The following RYR2 variants were observed in gnomAD, a reference collection of about 807,000 sequenced individuals.
The protein encoded by RYR2 is ryanodine receptor 2, also known as cardiac muscle ryanodine receptor-calcium release channel.
Under a neutral mutation model 601.1 loss-of-function variants are expected in RYR2, and 227 were observed. The observed-to-expected ratio is 0.38, with a 90% confidence interval of 0.34 to 0.42. The LOEUF (loss-of-function observed/expected upper bound fraction) is 0.42. Ranked by LOEUF, RYR2 falls within the 10% of genes least tolerant of loss-of-function variation. The pLI is 1.00. For missense variants in RYR2, 4,646 were observed against 6,156.5 expected (o/e 0.75, Z 8.21); for synonymous variants, 2,223 against 2,175.1 (o/e 1.02, Z -0.61).
At chr1:237,132,535 C>G (rs577155499) in intron 1 of RYR2, among the ~76,000 whole-genome samples, 5 of 152,174 alleles carry the variant, frequency 3.3e-5, no homozygotes, top group Non-Finnish European at 5.9e-5. Context: ...AGACTGGACA[C>G]TTCAGAGGCA....
At position 237,674,119 on chromosome 1, in the gene RYR2, G is replaced by A. The variant is rs1488585042; in HGVS notation, c.8614G>A (p.Val2872Met). 2 of 1,611,784 alleles carry A rather than the reference G, an allele frequency of 1.2e-6. No individual in the cohort carries two copies. The change falls in exon 59 of 105, where the codon GTG becomes ATG. Residue 2872 changes from valine to methionine, a missense_variant. By Grantham distance (21) the Val-to-Met change is conservative. Coordinates refer to ENST00000366574, the MANE Select transcript of RYR2 (RefSeq NM_001035.3). Reference sequence around the variant, plus strand: ...AGGAGGAGGAAACCATCCTCTGCTGGTGCCCTATGATACACTGACAGCCAA... The same window carrying A: ...AGGAGGAGGAAACCATCCTCTGCTGATGCCCTATGATACACTGACAGCCAA... The part of the protein sequence containing the change: ...SKGGGNHPLL[V>M]PYDTLTAKEK...
chr1:237,495,184 C>T (rs2010045), intron 19 of RYR2, among the ~76,000 whole-genome samples: 87,923 of 152,038 alleles, frequency 0.58, 25,991 homozygotes, highest in African/African-American at 0.71. Flanking sequence ...TCAATCCTCA[C>T]AAGATGCTTA....
chr1:237,279,942 A>G (rs12730427), intron 2 of RYR2, among the ~76,000 whole-genome samples: 1 of 152,214 alleles, frequency 6.6e-6, no homozygotes, highest in Admixed American at 6.5e-5. Context: ...TATGTATGAA[A>G]CAGTATTGTT....
At position 237,065,269 on chromosome 1, in the gene RYR2, C is replaced by CTTTTTTTTTTTTT. The variant is rs766039441; in HGVS notation, c.48+22715_48+22727dup. 1.9e-4 allele frequency among the ~76,000 whole-genome samples: 15 copies of CTTTTTTTTTTTTT among 77,496 alleles called. 2 individuals are homozygous for CTTTTTTTTTTTTT. The highest frequency in any genetic ancestry group is 7.8e-4 in the African/African-American group (15 of 19,180). 50.8% of individuals were successfully genotyped at this position (77,496 alleles called of 152,430 possible). ...CCTCAAAGAGCTCTTGTGTGCTATCCTTTTTTTTTTTTTTTTTTTTTTTTT... is the reference window on the plus strand; with the variant it reads ...CCTCAAAGAGCTCTTGTGTGCTATCCTTTTTTTTTTTTTTTTTTTTTTTTTTTTTTTTTTTTTT... On this transcript the variant is annotated intron_variant, in intron 1 of 104. Transcript: ENST00000366574.
At chr1:237,412,882 C>T (rs1001949473) in intron 10 of RYR2, among the ~76,000 whole-genome samples, 1 of 152,038 alleles carries the variant, frequency 6.6e-6, no homozygotes, top group African/African-American at 2.4e-5. Flanking sequence ...TTGGTAATAC[C>T]ATTTGGCAAA....
chr1:237,391,011 G>A (rs1702329016), intron 10 of RYR2, among the ~76,000 whole-genome samples: 1 of 152,160 alleles, frequency 6.6e-6, no homozygotes. Context: ...CTGAAGGGAT[G>A]TTGCTTAAGA....
At chr1:237,111,180 A>G (rs1669424309) in intron 1 of RYR2, among the ~76,000 whole-genome samples, 1 of 152,256 alleles carries the variant, frequency 6.6e-6, no homozygotes, top group Non-Finnish European at 1.5e-5. Flanking sequence ...TTTTTGGTTC[A>G]GAGGACATTC....
intron 1 of RYR2, among the ~76,000 whole-genome samples, chr1:237,081,620 C>T (rs1399080545): frequency 2.6e-5 from 4 of 151,872 alleles, no homozygotes; most frequent in South Asian, 2.1e-4. Flanking sequence ...CACACACATA[C>T]GCACACACTC....
intron 1 of RYR2, among the ~76,000 whole-genome samples, chr1:237,087,182 T>A (rs1445511453): frequency 6.6e-6 from 1 of 152,216 alleles, no homozygotes; most frequent in Non-Finnish European, 1.5e-5. Context: ...CCTCATTAGT[T>A]GCTGGTGCTT....
chr1:237,689,590 G>A (rs1686759070), intron 63 of RYR2, among the ~76,000 whole-genome samples: 1 of 152,110 alleles, frequency 6.6e-6, no homozygotes, highest in African/African-American at 2.4e-5. Flanking sequence ...TGTGGTCCTA[G>A]TATTTCAATT....
intron 62 of RYR2, among the ~76,000 whole-genome samples, chr1:237,680,935 C>A (rs1685823796): frequency 6.6e-6 from 1 of 152,050 alleles, no homozygotes; most frequent in Non-Finnish European, 1.5e-5. Context: ...ATATTTTTGC[C>A]AGCATTTATT....
In RYR2 at chr1:237,595,674, G is replaced by A; in HGVS notation, c.4596+17G>A. The A allele has an allele frequency of 6.3e-7, 1 of 1,592,898 alleles. No homozygotes were observed. The highest frequency in any genetic ancestry group is 8.5e-7 in the Non-Finnish European group (1 of 1,172,194). ...TACTATCAGGTACGCGGTCAGTGAT[G>A]ATATCAGTCTTCTAGGGAGGAAGAC... On this transcript the variant is annotated intron_variant, in intron 34 of 104. Transcript: ENST00000366574.
intron 83 of RYR2, among the ~76,000 whole-genome samples, chr1:237,760,361 T>TAAAA (rs34435442): frequency 1.6e-4 from 16 of 100,102 alleles, no homozygotes; most frequent in African/African-American, 1.9e-4. Context: ...GTCGCTAATT[T>TAAAA]AAAAAAAAAA....
chr1:237,184,663 A>G (rs1679149435), intron 1 of RYR2, among the ~76,000 whole-genome samples: 1 of 152,216 alleles, frequency 6.6e-6, no homozygotes, highest in Non-Finnish European at 1.5e-5. Context: ...TTGAGGTACA[A>G]TGGTGGACTT....
At chr1:237,322,554 T>C (rs1695722557) in intron 2 of RYR2, among the ~76,000 whole-genome samples, 1 of 152,206 alleles carries the variant, frequency 6.6e-6, no homozygotes, top group Non-Finnish European at 1.5e-5. Context: ...GAATGGATTC[T>C]ACAAAATATC....
intron 1 of RYR2, among the ~76,000 whole-genome samples, chr1:237,144,833 TA>T (rs1309872266): frequency 6.6e-6 from 1 of 152,178 alleles, no homozygotes; most frequent in Non-Finnish European, 1.5e-5. Context: ...AGTCTAGTAA[TA>T]AAGTAAATAC....
intron 1 of RYR2, among the ~76,000 whole-genome samples, chr1:237,251,379 A>G (rs1207140560): frequency 1.3e-5 from 2 of 152,138 alleles, no homozygotes; most frequent in Admixed American, 6.5e-5. Context: ...ACCAGTGAAC[A>G]CCACGTTGCC....
chr1:237,545,507 G>A (rs1053675390), intron 25 of RYR2, among the ~76,000 whole-genome samples: 1 of 152,164 alleles, frequency 6.6e-6, no homozygotes, highest in African/African-American at 2.4e-5. Context: ...CTCTGTGGCT[G>A]CTAGATGGGA....
At chr1:237,359,412 C>T (rs1699582415) in intron 4 of RYR2, among the ~76,000 whole-genome samples, 1 of 152,086 alleles carries the variant, frequency 6.6e-6, no homozygotes, top group South Asian at 2.1e-4. Context: ...TTGTAAATCC[C>T]CTTCGGAGAC....
Sources: allele counts gnomAD v4.1 joint callset (sites outside exome capture counted in the v4.1 genomes callset), GRCh38; gene constraint gnomAD v4.1.1; transcripts MANE v1.5; gene names NCBI Gene and HGNC (gene_info 2026-07-23, HGNC 2026-07-21).